Variants in KLF12 observed in about 807,000 individuals in gnomAD.
KLF12 encodes Krueppel-like factor 12.
A neutral mutation model predicts 37.8 loss-of-function variants in KLF12; 9 were observed. The ratio of observed to expected loss-of-function variants is 0.24; its 90% CI spans 0.14 to 0.42. KLF12 has a LOEUF of 0.42. Among genes scored for constraint, KLF12 ranks in the 10% least tolerant of loss-of-function variants. The pLI is 1.00. For missense variants in KLF12, 411 were observed against 516.0 expected, an observed-to-expected ratio of 0.80 and a Z score of 1.97; for synonymous variants, 208 against 202.1, an observed-to-expected ratio of 1.03 and a Z score of -0.25.
At position 73,715,076 on chromosome 13, in the gene KLF12, C is replaced by T. The variant is rs144860204; in HGVS notation, c.1027+292G>A. ...TGTGTTCAGCTTCTTCTTTGATGTG[C>T]CACGTGGACATTTTTTAAAACTGAT... On this transcript the variant is annotated intron_variant, in intron 7 of 7. Coordinates refer to ENST00000377669, the MANE Select transcript of KLF12 (RefSeq NM_007249.5). Among the ~76,000 whole-genome samples, 354 of 152,156 alleles carry T rather than the reference C, an allele frequency of 2.3e-3. 1 individual carries two copies. Among genetic ancestry groups the T allele is most frequent in the Non-Finnish European group, 4.2e-3 (285 of 68,010 alleles).
At chr13:73,989,804 C>A (rs1362853654) in intron 2 of KLF12, among the ~76,000 whole-genome samples, 2 of 151,934 alleles carry the variant, frequency 1.3e-5, no homozygotes, top group Non-Finnish European at 2.9e-5. Flanking sequence ...GAAATGTAAG[C>A]AAGAGGCCAA....
At chr13:74,294,001 A>G in the KLF12 span, among the ~76,000 whole-genome samples, 2 of 152,200 alleles carry the variant, frequency 1.3e-5, no homozygotes, top group Admixed American at 1.3e-4. Context: ...GTCTTAGATT[A>G]GTGCTTCTTA....
chr13:73,731,152 G>C (rs2137805294), intron 6 of KLF12, among the ~76,000 whole-genome samples: 1 of 152,176 alleles, frequency 6.6e-6, no homozygotes, highest in South Asian at 2.1e-4. Flanking sequence ...GTCAGTTCTT[G>C]GTAACTGATT....
chr13:73,696,334 G>A (rs547056120), intron 7 of KLF12, among the ~76,000 whole-genome samples: 5 of 152,126 alleles, frequency 3.3e-5, no homozygotes, highest in Non-Finnish European at 7.3e-5. Context: ...AAATCATCAC[G>A]TTGGTCCTAG....
At chr13:73,925,058 T>A (rs1889309483) in intron 3 of KLF12, among the ~76,000 whole-genome samples, 1 of 152,210 alleles carries the variant, frequency 6.6e-6, no homozygotes, top group Non-Finnish European at 1.5e-5. Flanking sequence ...GGACAGAAAC[T>A]GTCTCTGTAA....
the KLF12 span, among the ~76,000 whole-genome samples, chr13:74,163,640 G>A: frequency 1.3e-5 from 2 of 151,780 alleles, no homozygotes. Flanking sequence ...AAAAGGAGAA[G>A]TAAGACCTAC....
chr13:73,767,399 C>A (rs913247405), intron 5 of KLF12, among the ~76,000 whole-genome samples: 4 of 152,204 alleles, frequency 2.6e-5, no homozygotes, highest in African/African-American at 9.6e-5. Context: ...CTTAGCCTCA[C>A]ACAGGCTCGA....
chr13:73,910,085 C>A (rs1256681164), intron 3 of KLF12, among the ~76,000 whole-genome samples: 2 of 152,112 alleles, frequency 1.3e-5, no homozygotes, highest in African/African-American at 4.8e-5. Context: ...AAATGTATAG[C>A]TGGAAATAAA....
At chr13:74,158,171 G>A in the KLF12 span, among the ~76,000 whole-genome samples, 4 of 152,194 alleles carry the variant, frequency 2.6e-5, no homozygotes, top group South Asian at 8.3e-4. Flanking sequence ...AGGCCCTGTG[G>A]GTGGTCCGCA....
chr13:74,039,501 G>A (rs1893346677), intron 1 of KLF12, among the ~76,000 whole-genome samples: 1 of 151,878 alleles, frequency 6.6e-6, no homozygotes, highest in African/African-American at 2.4e-5. Context: ...CCATACTCCA[G>A]CCTGGGCAAC....
chr13:73,833,807 T>C (rs1884288905), intron 4 of KLF12, among the ~76,000 whole-genome samples: 1 of 152,150 alleles, frequency 6.6e-6, no homozygotes, highest in South Asian at 2.1e-4. Flanking sequence ...AGGGGTAGTA[T>C]GTGAGGTAGA....
intron 6 of KLF12, among the ~76,000 whole-genome samples, chr13:73,732,842 C>T (rs749642156): frequency 2.0e-4 from 30 of 152,052 alleles, no homozygotes; most frequent in Non-Finnish European, 3.2e-4. Flanking sequence ...CTTAACATGC[C>T]CAAAGCTGAA....
At chr13:74,068,807 T>C (rs1485637741) in intron 1 of KLF12, among the ~76,000 whole-genome samples, 5 of 152,294 alleles carry the variant, frequency 3.3e-5, no homozygotes, top group African/African-American at 1.2e-4. Flanking sequence ...TCTGCCCACT[T>C]TGACCTCCCA....
At chr13:73,785,276 G>A (rs1881270259) in intron 5 of KLF12, among the ~76,000 whole-genome samples, 1 of 151,872 alleles carries the variant, frequency 6.6e-6, no homozygotes, top group Admixed American at 6.6e-5. Flanking sequence ...ACCACACCAT[G>A]CTAATTTTTG....
intron 6 of KLF12, among the ~76,000 whole-genome samples, chr13:73,733,496 T>C (rs550104661): frequency 6.6e-6 from 1 of 152,146 alleles, no homozygotes; most frequent in Admixed American, 6.6e-5. Context: ...ATTTCATTGC[T>C]TTCTAATGCT....
intron 1 of KLF12, among the ~76,000 whole-genome samples, chr13:74,125,599 T>C (rs981906949): frequency 2.0e-5 from 3 of 152,204 alleles, no homozygotes; most frequent in African/African-American, 7.2e-5. Context: ...GAATGCATAT[T>C]AGCCAGAATT....
chr13:73,978,297 A>G (rs1174677160), intron 2 of KLF12, among the ~76,000 whole-genome samples: 1 of 152,244 alleles, frequency 6.6e-6, no homozygotes, highest in Non-Finnish European at 1.5e-5. Context: ...AAATGTCCCA[A>G]AGACCTTAAC....
At chr13:74,189,081 T>G in the KLF12 span, among the ~76,000 whole-genome samples, 2 of 152,170 alleles carry the variant, frequency 1.3e-5, no homozygotes, top group Non-Finnish European at 2.9e-5. Context: ...CTGTGCCTCA[T>G]GAATATGCAA....
the KLF12 span, among the ~76,000 whole-genome samples, chr13:74,214,034 G>A: frequency 1.3e-5 from 2 of 151,940 alleles, no homozygotes; most frequent in African/African-American, 4.8e-5. Flanking sequence ...CTATGTTATT[G>A]TTGCTCAGAG....
Sources: gnomAD v4.1 joint callset for allele counts (sites outside exome capture counted in the v4.1 genomes callset) on GRCh38, gnomAD v4.1.1 for gene constraint, MANE v1.5 for transcripts, NCBI Gene and HGNC (gene_info 2026-07-23, HGNC 2026-07-21) for gene names.